OGFR: variants seen among roughly 807,000 people sequenced by gnomAD.
OGFR encodes the protein opioid growth factor receptor, also known as protein 7-60.
OGFR carries 18 observed loss-of-function variants against 33.6 expected under a neutral mutation model. That is an observed-to-expected ratio of 0.54 (90% CI 0.37 to 0.80). OGFR has a LOEUF of 0.80. Among genes scored for constraint, OGFR ranks in the 30% least tolerant of loss-of-function variants. OGFR has a pLI of 0.00. For synonymous variants in OGFR, 370 were observed against 400.7 expected (o/e 0.92, Z 0.91); for missense variants, 877 against 955.8 (o/e 0.92, Z 1.09).
Position 62,813,275 on chromosome 20 carries a change from C to A in OGFR, c.1660C>A (p.Pro554Thr). Reference protein sequence around the residue: ...PRPAGPAGDEPAESPSETPGP... With the variant: ...PRPAGPAGDETAESPSETPGP... Reference sequence around the variant, plus strand: ...CCCAGCAGGACCTGCAGGGGACGAGCCAGCCGAGAGCCCATCGGAGACCCC... The same window carrying A: ...CCCAGCAGGACCTGCAGGGGACGAGACAGCCGAGAGCCCATCGGAGACCCC... The change falls in exon 7 of 7, where the codon CCA (proline) becomes ACA (threonine). Residue 554 changes from proline to threonine, a missense_variant. This residue lies in a region of OGFR where 72 missense variants were observed against 181.8 expected (regional missense o/e 0.40). Transcript: ENST00000290291. 1 of 1,486,390 alleles carries A rather than the reference C, an allele frequency of 6.7e-7. No homozygotes were observed. The allele number at this position is 1,486,390 out of a possible 1,614,324, so 92.1% of individuals were successfully genotyped here.
chr20:62,807,661 A>G (rs1251409828), intron 2 of OGFR, 56 bp downstream of exon 2: 5 of 1,549,130 alleles, frequency 3.2e-6, no homozygotes, highest in Non-Finnish European at 4.4e-6. Context: ...TGCTCTTCTC[A>G]GGCAGAATGT....
rs746280677 is a variant in OGFR, at chr20:62,809,624, A to C, written c.359A>C (p.Asn120Thr). The C allele has an allele frequency of 1.4e-5, 22 of 1,607,156 alleles. 1 individual carries two copies. In the South Asian group the frequency reaches 2.4e-4, roughly 18 times the overall value. The change falls in exon 4 of 7, where the codon AAC (asparagine) becomes ACC (threonine). Residue 120 changes from asparagine (N) to threonine (T), a missense_variant. By Grantham distance (65) the Asn-to-Thr change is moderately conservative (BLOSUM62 0). Coordinates refer to ENST00000290291, the MANE Select transcript of OGFR (RefSeq NM_007346.4). ...GACATTCTTCAGAACTGGACGGACA[A>C]CTATGACCTCCTTGAGGACAATCAC... ...IEDILQNWTD[N>T]YDLLEDNHSY... is the part of the protein sequence containing the mutation.
chr20:62,805,070 C>T (rs1990553214), intron 1 of OGFR, 40 bp downstream of exon 1: 2 of 1,280,596 alleles, frequency 1.6e-6, no homozygotes, highest in Non-Finnish European at 9.8e-7. Flanking sequence ...GGGTCCCCGG[C>T]GCCCCCCGCC....
At chr20:62,810,791 C>T (rs1280507309) in intron 5 of OGFR, among the ~76,000 whole-genome samples, 1 of 152,262 alleles carries the variant, frequency 6.6e-6, no homozygotes, top group African/African-American at 2.4e-5. Flanking sequence ...GCTGTTTGTC[C>T]CCATGCGGGA....
At position 62,811,369 on chromosome 20, in the gene OGFR, C is replaced by T. The variant is rs963390275; in HGVS notation, c.466-93C>T. 3.0e-6 allele frequency: 4 copies of T among 1,347,148 alleles called. No homozygotes were observed. In the East Asian group the frequency reaches 7.3e-5, roughly 25 times the overall value. 83.4% of individuals were successfully genotyped at this position (1,347,148 alleles called of 1,614,324 possible). A position where few individuals can be genotyped will look rare whatever the true frequency, so the allele number is the denominator to read the frequency against. ...TGTCTGTCTGTCTGTCTAGTCCAGG[C>T]CTCTGAGTGAGTCGGGACCCACGGC... On this transcript the variant is annotated intron_variant, in intron 5 of 6. Coordinates refer to ENST00000290291, the MANE Select transcript of OGFR (RefSeq NM_007346.4).
Position 62,808,310 on chromosome 20 carries a change from C to A in OGFR, c.304C>A (p.Arg102Ser). Residue 102 changes from arginine (R) to serine (S), a missense_variant, in exon 3 of 7, where the codon CGC (arginine) becomes AGC (serine). Physicochemically the swap from Arg to Ser is moderately radical, Grantham distance 110. This residue lies in a region of OGFR where 760 missense variants were observed against 736.0 expected (regional missense o/e 1.03). Coordinates refer to ENST00000290291, the MANE Select transcript of OGFR (RefSeq NM_007346.4). ...CCTGAGTTTCTACAGAAATGAGATC[C>A]GCTTCCTGCCCAACGGTAGGTGCCT... is the stretch of plus-strand genomic sequence containing the variant. ...PNLSFYRNEI[R>S]FLPNGCFIED... 1 of 1,612,966 alleles carries A rather than the reference C, an allele frequency of 6.2e-7. No homozygotes were observed. The highest frequency in any genetic ancestry group is 8.5e-7 in the Non-Finnish European group (1 of 1,179,558).
rs755214349 is a variant in OGFR, at chr20:62,811,549, C to G, written c.553C>G (p.Arg185Gly). Residue 185 changes from arginine (R) to glycine (G), a missense_variant, in exon 6 of 7, where the codon CGA (arginine) becomes GGA (glycine). This residue lies in a region of OGFR where 760 missense variants were observed against 736.0 expected (regional missense o/e 1.03). Transcript: ENST00000290291. ...CTTCTACGGGATCCGGCTGGAGGAC[C>G]GAGGCACGGGCACGGTGGGCCGAGC... is the stretch of plus-strand genomic sequence containing the variant. ...LGFYGIRLED[R>G]GTGTVGRAQN... The G allele has an allele frequency of 6.2e-7, 1 of 1,607,142 alleles. No individual in the cohort carries two copies. The highest frequency in any genetic ancestry group is 8.5e-7 in the Non-Finnish European group (1 of 1,177,638).
Position 62,812,739 on chromosome 20 carries a change from A to T in OGFR, c.1124A>T (p.Glu375Val). ...EAGGHGEDRP[E>V]PLSPKESKKR... ...GGGGGCCACGGGGAAGATAGGCCGG[A>T]GCCCTTAAGCCCCAAAGAGAGCAAG... Residue 375 changes from glutamate (E) to valine (V), a missense_variant, in exon 7 of 7, where the codon GAG becomes GTG. This residue lies in a region of OGFR where 760 missense variants were observed against 736.0 expected (regional missense o/e 1.03). Coordinates refer to ENST00000290291, the MANE Select transcript of OGFR (RefSeq NM_007346.4). 6.2e-7 allele frequency: 1 copy of T among 1,606,070 alleles called. No individual in the cohort carries two copies. The highest frequency in any genetic ancestry group is 1.7e-4 in the Middle Eastern group (1 of 6,046).
chr20:62,813,456 C>T lies in OGFR; in HGVS notation c.1841C>T (p.Pro614Leu). The T allele has an allele frequency of 6.9e-7, 1 of 1,439,444 alleles. No homozygotes were observed. Among genetic ancestry groups the T allele is most frequent in the Non-Finnish European group, 9.2e-7 (1 of 1,091,668 alleles). The allele number at this position is 1,439,444 out of a possible 1,614,324, so 89.2% of individuals were successfully genotyped here. A position where few individuals can be genotyped will look rare whatever the true frequency, so the allele number is the denominator to read the frequency against. ...PRPAGPAGDE[P>L]AESPSETPGP... ...CCGGCAGGACCTGCAGGGGACGAGC[C>T]AGCCGAGAGCCCATCGGAGACCCCA... Residue 614 changes from proline to leucine, a missense_variant, in exon 7 of 7, where the codon CCA becomes CTA. Physicochemically the swap from Pro to Leu is moderately conservative, Grantham distance 98. This residue lies in a region of OGFR where 72 missense variants were observed against 181.8 expected (regional missense o/e 0.40). Coordinates refer to ENST00000290291, the MANE Select transcript of OGFR (RefSeq NM_007346.4).
At chr20:62,810,664 G>C in intron 5 of OGFR, 99 bp downstream of exon 5, 1 of 1,150,452 alleles carries the variant, frequency 8.7e-7, no homozygotes. Context: ...TAGGCATTTG[G>C]TGCCCCCTCA....
chr20:62,812,176 G>A, intron 6 of OGFR, 54 bp from the exon 7 acceptor site: 1 of 1,427,496 alleles, frequency 7.0e-7, no homozygotes, highest in African/African-American at 1.4e-5. Flanking sequence ...GCGGGGTGCG[G>A]CCCAGCAGGA....
Position 62,804,891 on chromosome 20 carries a change from A to AGGAGGACGAGGAGGATGC in OGFR, c.41_58dup (p.Glu14_Asp19dup). Reference sequence around the variant, plus strand: ...GACCCCGACTGCGACTCCACCTGGGAGGAGGACGAGGAGGATGCGGAGGAC... The same window carrying AGGAGGACGAGGAGGATGC: ...GACCCCGACTGCGACTCCACCTGGGAGGAGGACGAGGAGGATGCGGAGGACGAGGAGGATGCGGAGGAC... On this transcript the variant is annotated inframe_insertion, in exon 1 of 7. Transcript: ENST00000290291. The AGGAGGACGAGGAGGATGC allele has an allele frequency of 1.4e-6, 2 of 1,479,014 alleles. No homozygotes were observed. Among genetic ancestry groups the AGGAGGACGAGGAGGATGC allele is most frequent in the South Asian group, 2.5e-5 (2 of 78,834 alleles). 91.6% of individuals were successfully genotyped at this position (1,479,014 alleles called of 1,614,324 possible). A position where few individuals can be genotyped will look rare whatever the true frequency, so the allele number is the denominator to read the frequency against.
At chr20:62,807,472 C>T (rs769518967) in intron 1 of OGFR, 65 bp from the exon 2 acceptor site, 12 of 1,472,934 alleles carry the variant, frequency 8.1e-6, no homozygotes, top group Non-Finnish European at 1.1e-5. Flanking sequence ...CTGCAGCCCT[C>T]ACCACGTTGG....
At position 62,812,515 on chromosome 20, in the gene OGFR, G is replaced by GC. The variant is rs781522793; in HGVS notation, c.904dup (p.His302ProfsTer34). ...TGCGGAGGTTCAAGCCCAGCTCTCT[G>GC]CCCCATCCGCTCGAGGGCTCCAGGA... On this transcript the variant is annotated frameshift_variant, in exon 7 of 7. Transcript: ENST00000290291. LOFTEE classifies it low-confidence loss of function (END_TRUNC). 1 of 1,585,246 alleles carries GC rather than the reference G, an allele frequency of 6.3e-7. No homozygotes were observed. The highest frequency in any genetic ancestry group is 1.8e-5 in the Admixed American group (1 of 55,772).
intron 2 of OGFR, 151 bp downstream of exon 2, chr20:62,807,756 A>G (rs2147182931): frequency 1.4e-6 from 1 of 731,834 alleles, no homozygotes; most frequent in East Asian, 2.7e-5. Context: ...ACAGCCTGGT[A>G]TAGATTCAGA....
chr20:62,813,767 C>A lies in OGFR; in HGVS notation c.*118C>A. ...TTCGTGACCCGTGACCCATGACCCA[C>A]AGTGCTGGCCTCCTGTGGGGCCACT... is the stretch of plus-strand genomic sequence containing the variant. On this transcript the variant is annotated 3_prime_UTR_variant, in exon 7 of 7. Transcript: ENST00000290291. The A allele has an allele frequency of 8.2e-7, 1 of 1,222,408 alleles. No homozygotes were observed. Among genetic ancestry groups the A allele is most frequent in the Non-Finnish European group, 1.2e-6 (1 of 852,586 alleles). The allele number at this position is 1,222,408 out of a possible 1,614,324, so 75.7% of individuals were successfully genotyped here.
intron 6 of OGFR, 94 bp downstream of exon 6, chr20:62,811,704 G>A: frequency 7.3e-7 from 1 of 1,371,156 alleles, no homozygotes; most frequent in Non-Finnish European, 9.8e-7. Context: ...TGCAGACGGA[G>A]AACTCCAGGG....
At chr20:62,811,141 C>T (rs909275624) in intron 5 of OGFR, among the ~76,000 whole-genome samples, 15 of 152,218 alleles carry the variant, frequency 9.9e-5, no homozygotes, top group African/African-American at 3.6e-4. Context: ...GCGGGTGGAT[C>T]ACCTGAGGTC....
intron 4 of OGFR, 105 bp downstream of exon 4, chr20:62,809,768 C>A (rs2147184545): frequency 1.2e-6 from 1 of 855,578 alleles, no homozygotes; most frequent in Non-Finnish European, 2.0e-6. Flanking sequence ...GGACTGAGCA[C>A]TCCCTGCCCT....
Sources: allele counts gnomAD v4.1 joint callset (sites outside exome capture counted in the v4.1 genomes callset), GRCh38; gene constraint gnomAD v4.1.1; regional missense constraint gnomAD v4.1.1; transcripts MANE v1.5; gene names NCBI Gene and HGNC (gene_info 2026-07-23, HGNC 2026-07-21).